VASH1: variants seen among roughly 807,000 people sequenced by gnomAD.
VASH1 encodes the protein tubulinyl-Tyr carboxypeptidase 1.
VASH1 carries 16 observed loss-of-function variants against 35.0 expected under a neutral mutation model. The observed-to-expected ratio is 0.46, with a 90% CI of 0.31 to 0.70. The LOEUF (loss-of-function observed/expected upper bound fraction) is 0.70. Ranked by LOEUF, VASH1 falls within the 30% of genes least tolerant of loss-of-function variation. VASH1 has a pLI of 0.05. For synonymous variants in VASH1, 214 were observed against 200.9 expected (o/e 1.07, Z -0.55); for missense variants, 505 against 510.7 (o/e 0.99, Z 0.11).
chr14:76,773,832 T>C (rs1893858527), intron 4 of VASH1: 1 of 152,460 alleles, frequency 6.6e-6, no homozygotes, highest in South Asian at 2.1e-4. Context: ...CCATCCTAAC[T>C]GGTCAATGCC....
At chr14:76,776,943 C>T (rs1893962362) in intron 5 of VASH1, among the ~76,000 whole-genome samples, 1 of 152,206 alleles carries the variant, frequency 6.6e-6, no homozygotes, top group Non-Finnish European at 1.5e-5. Flanking sequence ...GACCTCTGCA[C>T]TCCCAAGTGC....
chr14:76,773,022 T>G (rs1480116364), intron 3 of VASH1, 115 bp from the exon 4 acceptor site: 17 of 976,236 alleles, frequency 1.7e-5, no homozygotes, highest in South Asian at 4.9e-5. Context: ...GAGAGCAGCT[T>G]AGGGGGCAGC....
chr14:76,763,180 C>T, intron 1 of VASH1, 50 bp downstream of exon 1: 3 of 1,371,136 alleles, frequency 2.2e-6, no homozygotes, highest in Non-Finnish European at 2.8e-6. Flanking sequence ...GTTTTAGTGA[C>T]CTTGGGGCCA....
At chr14:76,778,888 C>G in intron 6 of VASH1, 58 bp from the exon 7 acceptor site, 1 of 1,567,606 alleles carries the variant, frequency 6.4e-7, no homozygotes, top group Admixed American at 1.7e-5. Context: ...GGCTCCCCAA[C>G]TCCATCTCCC....
chr14:76,763,188 C>A, intron 1 of VASH1, 58 bp downstream of exon 1: 3 of 1,365,068 alleles, frequency 2.2e-6, no homozygotes, highest in Non-Finnish European at 9.5e-7. Flanking sequence ...GACCTTGGGG[C>A]CAAGAGTGAA....
intron 3 of VASH1, among the ~76,000 whole-genome samples, chr14:76,771,615 C>T (rs1383156373): frequency 6.6e-6 from 1 of 152,198 alleles, no homozygotes; most frequent in Non-Finnish European, 1.5e-5. Flanking sequence ...GCCCTCCCTT[C>T]TCTGTTCTGC....
intron 3 of VASH1, 31 bp downstream of exon 3, chr14:76,771,277 A>G (rs773606703): frequency 6.4e-7 from 1 of 1,566,050 alleles, no homozygotes; most frequent in South Asian, 1.2e-5. Context: ...CCTCTGCCCC[A>G]GGGCTGGCTT....
intron 6 of VASH1, among the ~76,000 whole-genome samples, chr14:76,778,315 G>A (rs113975558): frequency 1.8e-4 from 28 of 152,284 alleles, no homozygotes; most frequent in African/African-American, 6.5e-4. Flanking sequence ...TGGGTTATGT[G>A]AGAGAAAAGG....
chr14:76,770,868 A>G (rs1424307960), intron 2 of VASH1, among the ~76,000 whole-genome samples: 4 of 152,208 alleles, frequency 2.6e-5, no homozygotes, highest in African/African-American at 7.2e-5. Context: ...GCCTCCTCTC[A>G]GTTCCTGTGG....
chr14:76,771,180 G>C lies in VASH1; in HGVS notation c.399-10G>C. On this transcript the variant is annotated splice_polypyrimidine_tract_variant and intron_variant, in intron 2 of 6. Coordinates refer to ENST00000167106, the MANE Select transcript of VASH1 (RefSeq NM_014909.5). ...GGCCAAGCTAGGAAGCCCTTAACCC[G>C]TGCCCACAGGTACAATCACACAGGG... 1 of 1,585,730 alleles carries C rather than the reference G, an allele frequency of 6.3e-7. No homozygotes were observed. The highest frequency in any genetic ancestry group is 8.6e-7 in the Non-Finnish European group (1 of 1,166,398).
rs539734202 is a variant in VASH1 at position 76,779,741 on chromosome 14, G to A, written c.*723G>A. 18 of 579,154 alleles carry A rather than the reference G, an allele frequency of 3.1e-5. No individual in the cohort carries two copies. The highest frequency in any genetic ancestry group is 6.6e-5 in the South Asian group (3 of 45,450). 35.9% of individuals were successfully genotyped at this position (579,154 alleles called of 1,614,324 possible). ...CAAAAAGTTCCCAGGCCCTAACTGC[G>A]TCTACTTGCTCAGTCCCAGCTCTGC... is the stretch of plus-strand genomic sequence containing the variant. On this transcript the variant is annotated 3_prime_UTR_variant, in exon 7 of 7. Coordinates refer to ENST00000167106, the MANE Select transcript of VASH1 (RefSeq NM_014909.5).
chr14:76,767,662 GGGCCT>G (rs1893680645), intron 1 of VASH1, among the ~76,000 whole-genome samples: 1 of 152,184 alleles, frequency 6.6e-6, no homozygotes, highest in Non-Finnish European at 1.5e-5. Context: ...GACCTAAAAT[GGGCCT>G]GGTCATTTGC....
chr14:76,773,317 A>T (rs1158005216), intron 4 of VASH1, 106 bp downstream of exon 4: 10 of 1,134,094 alleles, frequency 8.8e-6, no homozygotes, highest in Non-Finnish European at 1.3e-5. Flanking sequence ...GGGCTCTCCC[A>T]TATGCAGTCA....
chr14:76,780,663 T>G lies in VASH1; in HGVS notation c.*1645T>G, dbSNP rs763362945. The G allele has an allele frequency of 6.6e-6, 1 of 152,220 alleles. No homozygotes were observed. The highest frequency in any genetic ancestry group is 2.4e-5 in the African/African-American group (1 of 41,452). 9.4% of individuals were successfully genotyped at this position (152,220 alleles called of 1,614,324 possible). A position where few individuals can be genotyped will look rare whatever the true frequency, so the allele number is the denominator to read the frequency against. On this transcript the variant is annotated 3_prime_UTR_variant, in exon 7 of 7. Coordinates refer to ENST00000167106, the MANE Select transcript of VASH1 (RefSeq NM_014909.5). ...TCAGCTGTTCTTACAGTGCCGGCCC[T>G]GTGTTGCCAGATTGTCTGCTTTGTC... is the stretch of plus-strand genomic sequence containing the variant.
At position 76,779,065 on chromosome 14, in the gene VASH1, T is replaced by A. The variant is rs769323232; in HGVS notation, c.*47T>A. 7.5e-6 allele frequency: 12 copies of A among 1,597,072 alleles called. No individual in the cohort carries two copies. The highest frequency in any genetic ancestry group is 1.0e-5 in the Non-Finnish European group (12 of 1,166,262). On this transcript the variant is annotated 3_prime_UTR_variant, in exon 7 of 7. Coordinates refer to ENST00000167106, the MANE Select transcript of VASH1 (RefSeq NM_014909.5). ...CCCCACCCACTCTTGGGGGCCAGGA[T>A]CCACCTGCTGGAACCAGCCTTATGC... is the stretch of plus-strand genomic sequence containing the variant.
chr14:76,770,314 AAG>A (rs1307279895), intron 2 of VASH1, among the ~76,000 whole-genome samples: 2 of 152,110 alleles, frequency 1.3e-5, no homozygotes, highest in African/African-American at 4.8e-5. Context: ...TGATGGGGTA[AAG>A]AGAGGAAAAT....
In VASH1 at chr14:76,776,058, T is replaced by A. The variant is rs757172366; in HGVS notation, c.697T>A (p.Phe233Ile). The change falls in exon 5 of 7, where the codon TTC becomes ATC. Residue 233 changes from phenylalanine (F) to isoleucine (I), a missense_variant. Coordinates refer to ENST00000167106, the MANE Select transcript of VASH1 (RefSeq NM_014909.5). Reference sequence around the variant, plus strand: ...GGACCTGATGTACAAGCCGCCCGCCTTCCGCACGCTCAGCGAGCTCGTGCT... The same window carrying A: ...GGACCTGATGTACAAGCCGCCCGCCATCCGCACGCTCAGCGAGCTCGTGCT... ...REDLMYKPPA[F>I]RTLSELVLDF... 6.2e-7 allele frequency: 1 copy of A among 1,610,368 alleles called. No individual in the cohort carries two copies. Among genetic ancestry groups the A allele is most frequent in the African/African-American group, 1.3e-5 (1 of 75,056 alleles).
intron 1 of VASH1, among the ~76,000 whole-genome samples, chr14:76,766,634 G>T (rs1455549068): frequency 6.6e-6 from 1 of 152,018 alleles, no homozygotes; most frequent in Non-Finnish European, 1.5e-5. Flanking sequence ...TTGAGATGGG[G>T]TCTCTCTATA....
intron 1 of VASH1, among the ~76,000 whole-genome samples, chr14:76,768,529 G>A (rs930025854): frequency 2.0e-5 from 3 of 152,146 alleles, no homozygotes; most frequent in African/African-American, 4.8e-5. Context: ...CCTTAGAGGA[G>A]GTGTCTGTCA....
Sources: allele counts gnomAD v4.1 joint callset (sites outside exome capture counted in the v4.1 genomes callset), GRCh38; gene constraint gnomAD v4.1.1; transcripts MANE v1.5; gene names NCBI Gene and HGNC (gene_info 2026-07-23, HGNC 2026-07-21).